RANBP9: variants seen among roughly 807,000 people sequenced by gnomAD.
The protein encoded by RANBP9 is ran-binding protein 9.
RANBP9 carries 15 observed loss-of-function variants against 84.3 expected under a neutral mutation model. That is an observed-to-expected ratio of 0.18 (90% CI 0.12 to 0.27). The LOEUF is 0.27. Among genes scored for constraint, RANBP9 ranks in the 10% least tolerant of loss-of-function variants. The pLI is 1.00. For synonymous variants in RANBP9, 392 were observed against 349.6 expected, an observed-to-expected ratio of 1.12 and a Z score of -1.35; for missense variants, 809 against 912.8, an observed-to-expected ratio of 0.89 and a Z score of 1.46.
chr6:13,697,652 C>T (rs1757873363), intron 1 of RANBP9, among the ~76,000 whole-genome samples: 1 of 152,162 alleles, frequency 6.6e-6, no homozygotes, highest in African/African-American at 2.4e-5. Context: ...ACTTCCCCTA[C>T]CTCTCGCCCA....
chr6:13,710,181 T>C (rs575179753), intron 1 of RANBP9, among the ~76,000 whole-genome samples: 37 of 152,322 alleles, frequency 2.4e-4, no homozygotes, highest in Admixed American at 6.5e-4. Context: ...TAACTGCAAG[T>C]GCAAAACATA....
intron 2 of RANBP9, among the ~76,000 whole-genome samples, chr6:13,682,405 AAAAAAAAAGACTGC>A (rs1200336249): frequency 3.4e-4 from 51 of 150,474 alleles, no homozygotes; most frequent in African/African-American, 1.2e-3. Flanking sequence ...TAAAAAAAAA[AAAAAAAAAGACTGC>A]AAAAAAACAT....
intron 6 of RANBP9, 103 bp downstream of exon 6, chr6:13,644,442 A>T: frequency 2.7e-6 from 3 of 1,118,886 alleles, no homozygotes; most frequent in Non-Finnish European, 3.8e-6. Context: ...ATATGTCAGT[A>T]TATAAATTAG....
chr6:13,625,799 A>C, intron 12 of RANBP9, 35 bp from the exon 13 acceptor site: 1 of 1,403,520 alleles, frequency 7.1e-7, no homozygotes, highest in South Asian at 1.2e-5. Context: ...TTTAATTCAA[A>C]TAGTTCAACT....
In RANBP9 at chr6:13,711,635, C is replaced by G. The variant is rs2113380810; in HGVS notation, c.-130G>C. ...GCCCGCCCCGGAAGCAGGCGGCGGG[C>G]CGCGCGCCCAGGGAGACCGCGGCGG... On this transcript the variant is annotated 5_prime_UTR_variant, in exon 1 of 14. Coordinates refer to ENST00000011619, the MANE Select transcript of RANBP9 (RefSeq NM_005493.3). 1 of 895,132 alleles carries G rather than the reference C, an allele frequency of 1.1e-6. No individual in the cohort carries two copies. Among genetic ancestry groups the G allele is most frequent in the Non-Finnish European group, 1.4e-6 (1 of 697,888 alleles). The allele number at this position is 895,132 out of a possible 1,614,324, so 55.4% of individuals were successfully genotyped here.
rs1357372546 is a variant in RANBP9 at position 13,711,573 on chromosome 6, G to A, written c.-68C>T. 8 of 1,218,026 alleles carry A rather than the reference G, an allele frequency of 6.6e-6. No individual in the cohort carries two copies. Among genetic ancestry groups the A allele is most frequent in the African/African-American group, 1.6e-5 (1 of 63,356 alleles). The allele number at this position is 1,218,026 out of a possible 1,614,324, so 75.5% of individuals were successfully genotyped here. ...CCTTCCTCCTCTGCTTCCCGGGGGC[G>A]CTGTCGCTGCGGCCGCCGGCACCAG... is the stretch of plus-strand genomic sequence containing the variant. On this transcript the variant is annotated 5_prime_UTR_variant, in exon 1 of 14. Transcript: ENST00000011619.
chr6:13,622,796 T>C (rs1480123330), intron 13 of RANBP9, among the ~76,000 whole-genome samples: 1 of 152,240 alleles, frequency 6.6e-6, no homozygotes, highest in Non-Finnish European at 1.5e-5. Flanking sequence ...TTTTATCTGA[T>C]ATTTGGAGTG....
chr6:13,646,965 A>C (rs1238732221), intron 5 of RANBP9, among the ~76,000 whole-genome samples: 1 of 152,250 alleles, frequency 6.6e-6, no homozygotes, highest in Non-Finnish European at 1.5e-5. Flanking sequence ...AATAAAATCA[A>C]TTAAAAGTTC....
At chr6:13,622,612 T>C (rs922946585) in intron 13 of RANBP9, 120 bp from the exon 14 acceptor site, 4 of 1,088,472 alleles carry the variant, frequency 3.7e-6, no homozygotes, top group Admixed American at 6.1e-5. Context: ...CTCTGAAATA[T>C]CAGCAAATGA....
At chr6:13,643,066 T>G (rs549415712) in intron 6 of RANBP9, among the ~76,000 whole-genome samples, 34 of 152,278 alleles carry the variant, frequency 2.2e-4, no homozygotes, top group South Asian at 1.7e-3. Flanking sequence ...ACCGGTTAAA[T>G]GAAGTGGGAT....
chr6:13,641,072 C>A, intron 8 of RANBP9, 127 bp downstream of exon 8: 1 of 523,268 alleles, frequency 1.9e-6, no homozygotes, highest in Non-Finnish European at 3.2e-6. Context: ...AATGACATTA[C>A]AAAATTGTAT....
At chr6:13,652,513 G>C (rs1051010345) in intron 5 of RANBP9, 146 bp downstream of exon 5, 1 of 717,962 alleles carries the variant, frequency 1.4e-6, no homozygotes, top group South Asian at 2.8e-5. Context: ...AAGGTGGTTA[G>C]AGAAAAGATC....
At chr6:13,687,814 A>AC (rs1202872904) in intron 2 of RANBP9, among the ~76,000 whole-genome samples, 6 of 152,122 alleles carry the variant, frequency 3.9e-5, no homozygotes, top group Non-Finnish European at 8.8e-5. Context: ...CAGATAACCC[A>AC]CCTAAAAAGC....
intron 2 of RANBP9, among the ~76,000 whole-genome samples, chr6:13,670,821 AG>A (rs1296737650): frequency 1.3e-5 from 2 of 150,908 alleles, no homozygotes; most frequent in Admixed American, 6.6e-5. Context: ...AAAAAAAAAA[AG>A]TAGACAAACT....
intron 12 of RANBP9, among the ~76,000 whole-genome samples, chr6:13,629,137 G>T (rs1764704900): frequency 6.6e-6 from 1 of 152,028 alleles, no homozygotes; most frequent in African/African-American, 2.4e-5. Flanking sequence ...TTGAGACAGG[G>T]TCTTGCTATG....
intron 1 of RANBP9, among the ~76,000 whole-genome samples, chr6:13,705,369 T>C (rs1758078027): frequency 8.5e-6 from 1 of 117,002 alleles, no homozygotes; most frequent in Non-Finnish European, 1.6e-5. Context: ...GTGCCACCAC[T>C]GCACTTCGGC....
At chr6:13,690,276 T>C (rs1270002221) in intron 2 of RANBP9, among the ~76,000 whole-genome samples, 3 of 152,192 alleles carry the variant, frequency 2.0e-5, no homozygotes, top group African/African-American at 7.2e-5. Flanking sequence ...ATGTGCTATA[T>C]CATAGGTGTT....
intron 6 of RANBP9, among the ~76,000 whole-genome samples, chr6:13,644,272 T>TTA (rs1299179309): frequency 2.6e-5 from 4 of 152,192 alleles, no homozygotes; most frequent in African/African-American, 9.7e-5. Flanking sequence ...AGCAAATGAA[T>TTA]TAACCTAGCC....
intron 1 of RANBP9, among the ~76,000 whole-genome samples, chr6:13,710,175 T>A (rs980429261): frequency 1.3e-5 from 2 of 152,238 alleles, no homozygotes; most frequent in African/African-American, 4.8e-5. Context: ...TGTTTTTAAC[T>A]GCAAGTGCAA....
Sources: gnomAD v4.1 joint callset for allele counts (sites outside exome capture counted in the v4.1 genomes callset) on GRCh38, gnomAD v4.1.1 for gene constraint, MANE v1.5 for transcripts, NCBI Gene and HGNC (gene_info 2026-07-23, HGNC 2026-07-21) for gene names.